Variants in EYS observed in about 807,000 individuals in gnomAD.
EYS encodes protein eyes shut homolog.
A neutral mutation model predicts 282.1 loss-of-function variants in EYS; 250 were observed. The ratio of observed to expected loss-of-function variants is 0.89; its 90% CI spans 0.80 to 0.98. The LOEUF (loss-of-function observed/expected upper bound fraction) is 0.98, where lower values mean the gene tolerates loss of function less well. EYS is among the 50% of genes least tolerant of loss of function. The pLI is 0.00. For synonymous variants in EYS, 1,355 were observed against 1,282.9 expected (o/e 1.06, Z -1.20); for missense variants, 4,016 against 3,709.0 (o/e 1.08, Z -2.15).
intron 8 of EYS, among the ~76,000 whole-genome samples, chr6:65,371,121 T>A (rs1582200607): frequency 6.6e-6 from 1 of 151,580 alleles, no homozygotes; most frequent in Non-Finnish European, 1.5e-5. Flanking sequence ...TGGCTGAAAA[T>A]ATTTTTTAAG....
intron 35 of EYS, among the ~76,000 whole-genome samples, chr6:63,950,587 C>A (rs373507549): frequency 6.6e-6 from 1 of 152,100 alleles, no homozygotes. Flanking sequence ...CATGGACGCG[C>A]GTGACATTTG....
At chr6:64,458,592 G>T (rs1248094470) in intron 26 of EYS, among the ~76,000 whole-genome samples, 2 of 148,592 alleles carry the variant, frequency 1.3e-5, no homozygotes, top group Middle Eastern at 7.1e-3. Flanking sequence ...TCTTTTCTTT[G>T]ATGGTCTTAG....
chr6:65,490,624 A>T lies in EYS; in HGVS notation c.832T>A (p.Phe278Ile). The T allele has an allele frequency of 2.5e-6, 4 of 1,611,478 alleles. No homozygotes were observed. The highest frequency in any genetic ancestry group is 3.4e-6 in the Non-Finnish European group (4 of 1,177,996). Residue 278 changes from phenylalanine (F) to isoleucine (I), a missense_variant, in exon 5 of 43, where the codon TTC becomes ATC. Transcript: ENST00000503581. Reference sequence around the variant, plus strand: ...AATTGCTCATCACATTCACAAATGAAACTATTTGAAGTAATATTGCTGCAG... The same window carrying T: ...AATTGCTCATCACATTCACAAATGATACTATTTGAAGTAATATTGCTGCAG... The part of the protein sequence containing the change: ...GNCSNITSNS[F>I]ICECDEQFSG...
intron 11 of EYS, among the ~76,000 whole-genome samples, chr6:65,317,830 CTTTCTTT>C (rs1562093057): frequency 0.014 from 1,081 of 77,738 alleles, 5 homozygotes; most frequent in East Asian, 0.016. Flanking sequence ...TCCTTCCTTT[CTTTCTTT>C]CTTTCTTTCT....
intron 19 of EYS, among the ~76,000 whole-genome samples, chr6:64,827,058 C>T (rs1215763747): frequency 6.6e-6 from 1 of 151,646 alleles, no homozygotes; most frequent in Non-Finnish European, 1.5e-5. Context: ...ATACAAAATC[C>T]CAAATCTGAA....
intron 37 of EYS, among the ~76,000 whole-genome samples, chr6:63,800,518 G>A (rs1362397481): frequency 6.6e-6 from 1 of 152,174 alleles, no homozygotes; most frequent in Non-Finnish European, 1.5e-5. Context: ...TTCTGGAAGA[G>A]GCTGGGCGCG....
intron 31 of EYS, among the ~76,000 whole-genome samples, chr6:64,180,622 TTATGTC>T (rs1764761857): frequency 6.6e-6 from 1 of 152,054 alleles, no homozygotes; most frequent in African/African-American, 2.4e-5. Flanking sequence ...GTTGCCATCT[TTATGTC>T]TATGTTTACC....
intron 41 of EYS, among the ~76,000 whole-genome samples, chr6:63,755,757 C>A (rs1289317273): frequency 6.6e-6 from 1 of 152,142 alleles, no homozygotes. Context: ...TTCTTCCTAC[C>A]CATGAGCATG....
In EYS at chr6:64,802,092, A is replaced by G. The variant is rs187795356; in HGVS notation, c.3443+11286T>C. 4.6e-3 allele frequency among the ~76,000 whole-genome samples: 553 copies of G among 120,520 alleles called. 4 individuals carry two copies. The highest frequency in any genetic ancestry group is 0.017 in the African/African-American group (522 of 30,466). The allele number at this position is 120,520 out of a possible 152,430, so 79.1% of individuals were successfully genotyped here. A position where few individuals can be genotyped will look rare whatever the true frequency, so the allele number is the denominator to read the frequency against. On this transcript the variant is annotated intron_variant, in intron 22 of 42. Transcript: ENST00000503581. ...TCTGTCGCCCAGCCTGGAGTGCAGT[A>G]GCGCGATCTTGGCTCACTGCAAGCT...
At chr6:65,639,047 T>C (rs751061557) in intron 2 of EYS, among the ~76,000 whole-genome samples, 1 of 152,272 alleles carries the variant, frequency 6.6e-6, no homozygotes, top group Non-Finnish European at 1.5e-5. Flanking sequence ...AATAGTAACA[T>C]GATTGAAATG....
intron 2 of EYS, among the ~76,000 whole-genome samples, chr6:65,497,204 C>T (rs1766287206): frequency 6.6e-6 from 1 of 151,772 alleles, no homozygotes; most frequent in Non-Finnish European, 1.5e-5. Context: ...ATGCTCAGTA[C>T]CAGGATTCAT....
rs1192825121 is a variant in EYS, at chr6:65,173,000, G to C, written c.2024-115273C>G. On this transcript the variant is annotated intron_variant, in intron 12 of 42. Coordinates refer to ENST00000503581, the MANE Select transcript of EYS (RefSeq NM_001142800.2). ...GGAAATTTAAAAAAAAAAAAACTTA[G>C]AGCCTTATATAAGAAACATGAATTT... Among the ~76,000 whole-genome samples, 4 of 150,650 alleles carry C rather than the reference G, an allele frequency of 2.7e-5. No individual in the cohort carries two copies. In the East Asian group the frequency reaches 5.9e-4, roughly 22 times the overall value.
At chr6:63,842,329 G>T (rs1771982909) in intron 36 of EYS, among the ~76,000 whole-genome samples, 1 of 152,178 alleles carries the variant, frequency 6.6e-6, no homozygotes, top group Non-Finnish European at 1.5e-5. Flanking sequence ...GTGTCTCATT[G>T]TGGTTTTGAT....
At chr6:64,655,447 A>G (rs1045354916) in intron 22 of EYS, among the ~76,000 whole-genome samples, 17 of 152,194 alleles carry the variant, frequency 1.1e-4, no homozygotes, top group Admixed American at 5.9e-4. Flanking sequence ...TATCTAATGC[A>G]TATTATATAT....
intron 35 of EYS, among the ~76,000 whole-genome samples, chr6:63,868,306 T>C (rs901096663): frequency 3.9e-5 from 6 of 152,110 alleles, no homozygotes; most frequent in Admixed American, 3.3e-4. Context: ...TCTATGAGTA[T>C]TAAAAGTTAC....
chr6:64,331,166 A>T (rs1386305854), intron 29 of EYS, among the ~76,000 whole-genome samples: 2 of 152,180 alleles, frequency 1.3e-5, no homozygotes, highest in Admixed American at 6.5e-5. Context: ...TGGCCAAAGG[A>T]AAGTCAGTAA....
At chr6:65,353,278 TA>T (rs1340761860) in intron 9 of EYS, among the ~76,000 whole-genome samples, 179 bp downstream of exon 9, 1 of 152,142 alleles carries the variant, frequency 6.6e-6, no homozygotes, top group Admixed American at 6.6e-5. Context: ...TCCTAGGATG[TA>T]GTTGGTGTTA....
intron 31 of EYS, among the ~76,000 whole-genome samples, chr6:64,206,285 A>G (rs935179154): frequency 6.6e-6 from 1 of 152,200 alleles, no homozygotes; most frequent in Non-Finnish European, 1.5e-5. Flanking sequence ...TATTTATACC[A>G]CATTTGACTC....
At chr6:65,549,651 A>C (rs1461373199) in intron 2 of EYS, among the ~76,000 whole-genome samples, 1 of 152,232 alleles carries the variant, frequency 6.6e-6, no homozygotes. Context: ...TACGTTATTG[A>C]AATTCTTAAA....
Sources: allele counts gnomAD v4.1 joint callset (sites outside exome capture counted in the v4.1 genomes callset), GRCh38; gene constraint gnomAD v4.1.1; transcripts MANE v1.5; gene names NCBI Gene and HGNC (gene_info 2026-07-23, HGNC 2026-07-21).